TEKT3: variants seen among roughly 807,000 people sequenced by gnomAD.
TEKT3 encodes the protein tektin 3, also known as tektin-3.
A neutral mutation model predicts 49.8 loss-of-function variants in TEKT3; 49 were observed. The observed-to-expected ratio is 0.98, with a 90% CI of 0.78 to 1.25. The LOEUF is 1.25. Ranked by LOEUF, TEKT3 falls within the 50% of genes most tolerant of loss-of-function variation. TEKT3 has a pLI of 0.00. For missense variants in TEKT3, 595 were observed against 629.5 expected (o/e 0.95, Z 0.59); for synonymous variants, 225 against 237.2 (o/e 0.95, Z 0.47).
At chr17:15,321,564 G>A (rs1247071606) in intron 4 of TEKT3, among the ~76,000 whole-genome samples, 1 of 152,160 alleles carries the variant, frequency 6.6e-6, no homozygotes, top group Non-Finnish European at 1.5e-5. Flanking sequence ...GATACACACA[G>A]AAAGCAGAAG....
intron 2 of TEKT3, among the ~76,000 whole-genome samples, chr17:15,336,369 T>C (rs1911983602): frequency 6.6e-6 from 1 of 152,118 alleles, no homozygotes; most frequent in South Asian, 2.1e-4. Flanking sequence ...AGTGAAAATA[T>C]CCTTCAAAAA....
chr17:15,327,969 T>A lies in TEKT3; in HGVS notation c.663+23A>T, dbSNP rs781661023. 5 of 1,604,600 alleles carry A rather than the reference T, an allele frequency of 3.1e-6. No individual in the cohort carries two copies. The East Asian group carries it at 1.1e-4, about 36-fold the overall frequency. ...CATTTACAACTAAGCTGCCTGTGAC[T>A]GATGCATTTCCCCCACATTTACCGT... On this transcript the variant is annotated intron_variant, in intron 4 of 8. Transcript: ENST00000395930.
At chr17:15,325,584 A>C (rs1021839956) in intron 4 of TEKT3, among the ~76,000 whole-genome samples, 1 of 152,172 alleles carries the variant, frequency 6.6e-6, no homozygotes, top group Non-Finnish European at 1.5e-5. Flanking sequence ...ATATTTTTAA[A>C]ATCTTTGCCA....
intron 2 of TEKT3, among the ~76,000 whole-genome samples, chr17:15,336,521 A>C (rs1253625409): frequency 6.6e-6 from 1 of 152,174 alleles, no homozygotes; most frequent in African/African-American, 2.4e-5. Flanking sequence ...CCACACAAAG[A>C]AATAAAAATG....
intron 3 of TEKT3, 71 bp from the exon 4 acceptor site, chr17:15,328,146 G>A: frequency 7.0e-7 from 1 of 1,426,852 alleles, no homozygotes; most frequent in South Asian, 1.2e-5. Flanking sequence ...CTAATAATTT[G>A]TTTCAAAAAT....
At chr17:15,314,562 G>C (rs1364587975) in intron 5 of TEKT3, among the ~76,000 whole-genome samples, 1 of 152,156 alleles carries the variant, frequency 6.6e-6, no homozygotes, top group African/African-American at 2.4e-5. Context: ...CTTCCAGACA[G>C]GACACGGGTT....
chr17:15,311,989 T>C (rs1363449755), intron 7 of TEKT3, among the ~76,000 whole-genome samples: 3 of 152,214 alleles, frequency 2.0e-5, no homozygotes, highest in African/African-American at 7.2e-5. Context: ...TTAATAATAA[T>C]ATTTTTGTTT....
At chr17:15,336,338 T>C (rs2150754504) in intron 2 of TEKT3, among the ~76,000 whole-genome samples, 1 of 152,278 alleles carries the variant, frequency 6.6e-6, no homozygotes, top group East Asian at 1.9e-4. Flanking sequence ...GAAGAAAGTG[T>C]AAGCCTCAAA....
At chr17:15,305,895 G>C (rs769865731) in intron 8 of TEKT3, among the ~76,000 whole-genome samples, 1 of 151,700 alleles carries the variant, frequency 6.6e-6, no homozygotes, top group Non-Finnish European at 1.5e-5. Context: ...TTCTCTCATC[G>C]TTAATTAGAA....
rs777958711 is a variant in TEKT3, at chr17:15,328,069, G to A, written c.586C>T (p.Arg196Ter). ...METEAPLQVA[R>*]ECLFHREKRM... ...TTTTCTCGATGAAATAGACATTCTC[G>A]GGCTACCTACAGATACACAGATAAT... is the stretch of plus-strand genomic sequence containing the variant. The change falls in exon 4 of 9, where the codon CGA (arginine) becomes TGA (stop). Residue 196 changes from arginine to a stop codon, truncating the protein, a stop_gained. Transcript: ENST00000395930. LOFTEE classifies it high-confidence loss of function. 36 of 1,613,292 alleles carry A rather than the reference G, an allele frequency of 2.2e-5. No individual in the cohort carries two copies. Among genetic ancestry groups the A allele is most frequent in the East Asian group, 6.7e-5 (3 of 44,868 alleles).
At chr17:15,324,337 C>T (rs1343061720) in intron 4 of TEKT3, among the ~76,000 whole-genome samples, 2 of 152,174 alleles carry the variant, frequency 1.3e-5, no homozygotes, top group African/African-American at 4.8e-5. Context: ...CTTTTCCATT[C>T]ATCAGCTGAT....
At chr17:15,330,894 G>C in intron 3 of TEKT3, 113 bp downstream of exon 3, 1 of 1,077,198 alleles carries the variant, frequency 9.3e-7, no homozygotes, top group Non-Finnish European at 1.3e-6. Context: ...TATTGATAGG[G>C]GGTTGGCTTC....
chr17:15,307,784 G>A (rs1346623677), intron 8 of TEKT3, among the ~76,000 whole-genome samples: 1 of 152,098 alleles, frequency 6.6e-6, no homozygotes, highest in Non-Finnish European at 1.5e-5. Flanking sequence ...CTATCAAGTT[G>A]ATTTACTTCT....
At chr17:15,314,774 A>AAAAACC (rs1421754826) in intron 5 of TEKT3, among the ~76,000 whole-genome samples, 1 of 152,208 alleles carries the variant, frequency 6.6e-6, no homozygotes, top group Non-Finnish European at 1.5e-5. Flanking sequence ...GCCAGGAGAT[A>AAAAACC]AAAACCAAGG....
At chr17:15,336,667 CCATAGCA>C (rs1226812298) in intron 2 of TEKT3, among the ~76,000 whole-genome samples, 1 of 151,808 alleles carries the variant, frequency 6.6e-6, no homozygotes, top group East Asian at 1.9e-4. Context: ...TATATGGTAG[CCATAGCA>C]CAAATGATAG....
chr17:15,341,691 C>T (rs1912240076), upstream of TEKT3: 1 of 152,358 alleles, frequency 6.6e-6, no homozygotes, highest in African/African-American at 2.4e-5. Flanking sequence ...GGCCGGCTCG[C>T]CGGAGCTGAC....
At chr17:15,329,273 T>C (rs941053471) in intron 3 of TEKT3, among the ~76,000 whole-genome samples, 2 of 152,250 alleles carry the variant, frequency 1.3e-5, no homozygotes, top group African/African-American at 4.8e-5. Flanking sequence ...TGGAGGCTTA[T>C]CTGTTCATGT....
intron 2 of TEKT3, among the ~76,000 whole-genome samples, chr17:15,332,082 G>A (rs954674449): frequency 6.6e-6 from 1 of 151,536 alleles, no homozygotes; most frequent in Admixed American, 6.6e-5. Context: ...AGGAGGCTGA[G>A]GCAGGAGAAT....
chr17:15,338,420 TCA>T (rs1399086343), intron 2 of TEKT3: 2 of 152,106 alleles, frequency 1.3e-5, no homozygotes, highest in South Asian at 2.1e-4. Context: ...AAGAAATACC[TCA>T]GTTTTTAAAA....
Sources: gnomAD v4.1 joint callset for allele counts (sites outside exome capture counted in the v4.1 genomes callset) on GRCh38, gnomAD v4.1.1 for gene constraint, MANE v1.5 for transcripts, NCBI Gene and HGNC (gene_info 2026-07-23, HGNC 2026-07-21) for gene names.